The following EP400 variants were observed in gnomAD, a reference collection of about 807,000 sequenced individuals.
EP400 encodes E1A binding protein p400.
A neutral mutation model predicts 354.1 loss-of-function variants in EP400; 105 were observed. The ratio of observed to expected loss-of-function variants is 0.30; its 90% CI spans 0.25 to 0.35. The LOEUF (loss-of-function observed/expected upper bound fraction) is 0.35. Among genes scored for constraint, EP400 ranks in the 10% least tolerant of loss-of-function variants. The probability of loss-of-function intolerance (pLI) is 1.00; values close to 1 mark genes in which losing one functional copy is unlikely to be tolerated. For synonymous variants in EP400, 1,646 were observed against 1,716.9 expected (o/e 0.96, Z 1.02); for missense variants, 3,280 against 4,121.0 (o/e 0.80, Z 5.59).
At chr12:132,074,715 C>T (rs2136625262) in intron 51 of EP400, among the ~76,000 whole-genome samples, 1 of 152,356 alleles carries the variant, frequency 6.6e-6, no homozygotes, top group Admixed American at 6.5e-5. Context: ...TCTGTCTCCT[C>T]AGTCACTCAT....
In EP400 at chr12:132,029,631, T is replaced by A; in HGVS notation, c.5382-70T>A. 1 of 1,525,340 alleles carries A rather than the reference T, an allele frequency of 6.6e-7. No homozygotes were observed. Among genetic ancestry groups the A allele is most frequent in the Non-Finnish European group, 9.0e-7 (1 of 1,112,854 alleles). The allele number at this position is 1,525,340 out of a possible 1,614,324, so 94.5% of individuals were successfully genotyped here. On this transcript the variant is annotated intron_variant, in intron 27 of 52. Transcript: ENST00000389561. This position sits in a 1 kb window ranked among gnomAD's most constrained non-coding sequence, Gnocchi z 4.7. ...GACTGTCAGAAGTCTGCCCCATCTTTCAGGAGCCCCCATGCTGGGTGAAGG... is the reference window on the plus strand; with the variant it reads ...GACTGTCAGAAGTCTGCCCCATCTTACAGGAGCCCCCATGCTGGGTGAAGG...
rs1895922501 is a variant in EP400 at position 132,067,292 on chromosome 12, G to A, written c.8750-70G>A. 4.4e-6 allele frequency: 7 copies of A among 1,573,096 alleles called. No homozygotes were observed. In the South Asian group the frequency reaches 7.0e-5, roughly 16 times the overall value. On this transcript the variant is annotated intron_variant, in intron 49 of 52. Transcript: ENST00000389561. This position sits in a 1 kb window ranked among gnomAD's most constrained non-coding sequence, Gnocchi z 5.3. ...ATTTTCTGTAGAGGTGAGTCAGTTG[G>A]AACAGAGCTTGGCGTGAGCCTCAAG...
chr12:132,006,611 T>G, intron 14 of EP400, 89 bp from the exon 15 acceptor site: 7 of 1,321,766 alleles, frequency 5.3e-6, no homozygotes, highest in Non-Finnish European at 7.2e-6. Flanking sequence ...CTAATTGGTT[T>G]ATCATGTGAC....
At position 132,064,777 on chromosome 12, in the gene EP400, C is replaced by T; in HGVS notation, c.8444C>T (p.Thr2815Ile). ...PQPTAQVQVQTSQPPQQQSPQ... is the reference protein window; with the variant it reads ...PQPTAQVQVQISQPPQQQSPQ... The stretch of plus-strand genomic sequence containing the variant: ...CCAACAGCCCAAGTGCAAGTGCAGA[C>T]CTCGCAGCCGCCGCAGCAGCAGAGC... The change falls in exon 48 of 53, where the codon ACC becomes ATC. Residue 2815 changes from threonine to isoleucine, a missense_variant. Physicochemically the swap from Thr to Ile is moderately conservative, Grantham distance 89 (BLOSUM62 -1). This residue lies in a region of EP400 where 86 missense variants were observed against 66.4 expected (regional missense o/e 1.29). Transcript: ENST00000389561. 2 of 1,613,182 alleles carry T rather than the reference C, an allele frequency of 1.2e-6. No individual in the cohort carries two copies. Among genetic ancestry groups the T allele is most frequent in the Non-Finnish European group, 1.7e-6 (2 of 1,179,864 alleles).
At position 132,080,038 on chromosome 12, in the gene EP400, G is replaced by C. The variant is rs754257481; in HGVS notation, c.*2365G>C. 1 of 152,238 alleles carries C rather than the reference G, an allele frequency of 6.6e-6. No homozygotes were observed. The allele number at this position is 152,238 out of a possible 1,614,324, so 9.4% of individuals were successfully genotyped here. On this transcript the variant is annotated 3_prime_UTR_variant, in exon 53 of 53. Coordinates refer to ENST00000389561, the MANE Select transcript of EP400 (RefSeq NM_015409.5). ...ATCTGGGTTCATTCCAATACGGCAA[G>C]TAAGAGTTGGAAACTTTGAGAACAC...
intron 47 of EP400, 46 bp downstream of exon 47, chr12:132,062,747 G>A (rs754481461): frequency 1.2e-5 from 20 of 1,605,494 alleles, no homozygotes; most frequent in Middle Eastern, 1.7e-4. Context: ...CTTGCGGTCA[G>A]TCAGCCCAGC....
chr12:131,962,186 C>T (rs1031414015), intron 2 of EP400, among the ~76,000 whole-genome samples: 2 of 152,186 alleles, frequency 1.3e-5, no homozygotes. Flanking sequence ...CGGAGCTGCG[C>T]TATGATGAGT....
chr12:132,065,376 T>TAC, intron 48 of EP400: 1 of 161,744 alleles, frequency 6.2e-6, no homozygotes, highest in Admixed American at 5.7e-5. Context: ...TCTCAGCAGG[T>TAC]GCCAGCGTCC....
At chr12:131,967,317 G>A (rs1051024761) in intron 2 of EP400, among the ~76,000 whole-genome samples, 2 of 151,966 alleles carry the variant, frequency 1.3e-5, no homozygotes, top group Non-Finnish European at 2.9e-5. Flanking sequence ...GGAGATGGAG[G>A]TTGCAGTGAG....
At chr12:131,988,312 C>T (rs1892924908) in intron 7 of EP400, among the ~76,000 whole-genome samples, 1 of 152,180 alleles carries the variant, frequency 6.6e-6, no homozygotes, top group Non-Finnish European at 1.5e-5. Flanking sequence ...AGCCTGTGCT[C>T]AGTGCTCACC....
chr12:131,954,974 G>A (rs887502790), intron 1 of EP400, among the ~76,000 whole-genome samples: 5 of 152,054 alleles, frequency 3.3e-5, no homozygotes, highest in Non-Finnish European at 7.4e-5. Context: ...AGTGGGCCAG[G>A]ATTGTGCCAC....
intron 45 of EP400, among the ~76,000 whole-genome samples, chr12:132,055,484 GGTGTGTGTGAGGTGTAGGTGT>G (rs1238495630): frequency 2.9e-5 from 4 of 136,286 alleles, no homozygotes; most frequent in East Asian, 2.4e-4. Context: ...GAGGTGTAGG[GGTGTGTGTGAGGTGTAGGTGT>G]GTGTGTGTGA....
In EP400 at chr12:131,961,005, A is replaced by G. The variant is rs1891862988; in HGVS notation, c.386A>G (p.Gln129Arg). 6.2e-7 allele frequency: 1 copy of G among 1,603,698 alleles called. No individual in the cohort carries two copies. Among genetic ancestry groups the G allele is most frequent in the Non-Finnish European group, 8.5e-7 (1 of 1,175,750 alleles). ...SYIQVTSPLS[Q>R]QVQTQSPTQP... ...ATTCAGGTCACGTCCCCCTTGTCCC[A>G]GCAGGTCCAGACCCAGAGTCCCACG... Residue 129 changes from glutamine (Q) to arginine (R), a missense_variant, in exon 2 of 53, where the codon CAG (glutamine) becomes CGG (arginine). By Grantham distance (43) the Gln-to-Arg change is conservative. Around this residue, in one of 20 missense-constraint regions of EP400, gnomAD observed 172 missense variants for 242.9 expected, o/e 0.71. Transcript: ENST00000389561.
At chr12:132,020,307 G>T in intron 22 of EP400, 89 bp downstream of exon 22, 1 of 1,440,704 alleles carries the variant, frequency 6.9e-7, no homozygotes, top group Admixed American at 2.4e-5. Context: ...CTCTGGATGC[G>T]GTAATTGTCC....
In EP400 at chr12:132,038,643, C is replaced by T. The variant is rs1165825293; in HGVS notation, c.6207+547C>T. 6.6e-6 allele frequency among the ~76,000 whole-genome samples: 1 copy of T among 152,188 alleles called. No individual in the cohort carries two copies. Among genetic ancestry groups the T allele is most frequent in the Non-Finnish European group, 1.5e-5 (1 of 68,038 alleles). ...GGGTTATGTCAATATTTTACTGTTT[C>T]GGTGTGGGTAGTAGAAGATAGAGGG... On this transcript the variant is annotated intron_variant, in intron 32 of 52. Transcript: ENST00000389561. This position sits in a 1 kb window ranked among gnomAD's most constrained non-coding sequence, Gnocchi z 4.2.
At position 131,963,281 on chromosome 12, in the gene EP400, A is replaced by G. The variant is rs143258164; in HGVS notation, c.1335+1327A>G. Among the ~76,000 whole-genome samples, 251 of 152,308 alleles carry G rather than the reference A, an allele frequency of 1.6e-3. 2 individuals are homozygous for G. The highest frequency in any genetic ancestry group is 0.01 in the Middle Eastern group (3 of 294). ...AAGTCTGTCTGCCATATGCATTTTTAAAGTTTGAAGTTGCAGAATCTAAAG... is the reference window on the plus strand; with the variant it reads ...AAGTCTGTCTGCCATATGCATTTTTGAAGTTTGAAGTTGCAGAATCTAAAG... On this transcript the variant is annotated intron_variant, in intron 2 of 52. Transcript: ENST00000389561.
At position 132,013,675 on chromosome 12, in the gene EP400, T is replaced by C; in HGVS notation, c.3786+11T>C. On this transcript the variant is annotated intron_variant, in intron 18 of 52. Transcript: ENST00000389561. The surrounding 1 kb of genome is among the most constrained non-coding windows in gnomAD (Gnocchi z 4.5). ...ATAAGGTTACACAGGGTAGGTTGGGTTCTGCCATTTCAGTTAATTAATTAA... is the reference window on the plus strand; with the variant it reads ...ATAAGGTTACACAGGGTAGGTTGGGCTCTGCCATTTCAGTTAATTAATTAA... 2 of 1,605,570 alleles carry C rather than the reference T, an allele frequency of 1.2e-6. No homozygotes were observed. The highest frequency in any genetic ancestry group is 2.7e-5 in the African/African-American group (2 of 74,702).
rs758644669 is a variant in EP400 at position 132,028,245 on chromosome 12, A to C, written c.5338A>C (p.Thr1780Pro). 8 of 1,613,944 alleles carry C rather than the reference A, an allele frequency of 5.0e-6. No individual in the cohort carries two copies. The highest frequency in any genetic ancestry group is 1.3e-5 in the African/African-American group (1 of 74,894). ...AGAAAGTCCAAGTGAGCTGATGTTG[A>C]CGCTTTGTCGGTGTGGAGAGTCTCT... ...SSESPSELML[T>P]LCRCGESLQD... The change falls in exon 27 of 53, where the codon ACG becomes CCG. Residue 1780 changes from threonine (T) to proline (P), a missense_variant. Transcript: ENST00000389561.
In EP400 at chr12:132,067,548, G is replaced by A. The variant is rs1895932002; in HGVS notation, c.8874+62G>A. 1.0e-5 allele frequency: 16 copies of A among 1,577,824 alleles called. No homozygotes were observed. The South Asian group carries it at 1.7e-4, about 17-fold the overall frequency. The stretch of plus-strand genomic sequence containing the variant: ...GCCAAGCCAAAGCTGGCTGCTGGAG[G>A]AGAGGGTCCTAAGCAGACAAATCCC... On this transcript the variant is annotated intron_variant, in intron 50 of 52. Coordinates refer to ENST00000389561, the MANE Select transcript of EP400 (RefSeq NM_015409.5). This position sits in a 1 kb window ranked among gnomAD's most constrained non-coding sequence, Gnocchi z 5.3.
Sources: gnomAD v4.1 joint callset for allele counts (sites outside exome capture counted in the v4.1 genomes callset) on GRCh38, gnomAD v4.1.1 for gene constraint, gnomAD v4.1.1 regional missense constraint, Gnocchi (gnomAD v3.1) non-coding constraint, MANE v1.5 for transcripts, NCBI Gene and HGNC (gene_info 2026-07-23, HGNC 2026-07-21) for gene names.